Variants in RASGRP3 observed in about 807,000 individuals in gnomAD.
The protein encoded by RASGRP3 is ras guanyl-releasing protein 3.
RASGRP3 carries 54 observed loss-of-function variants against 82.7 expected under a neutral mutation model. The observed-to-expected ratio is 0.65, with a 90% CI of 0.52 to 0.82. The LOEUF (loss-of-function observed/expected upper bound fraction) is 0.82. RASGRP3 is among the 40% of genes least tolerant of loss of function. The probability of loss-of-function intolerance (pLI) is 0.00; values close to 1 mark genes in which losing one functional copy is unlikely to be tolerated. For synonymous variants in RASGRP3, 309 were observed against 300.5 expected (o/e 1.03, Z -0.29); for missense variants, 861 against 828.9 (o/e 1.04, Z -0.48).
At chr2:33,521,917 C>A in intron 6 of RASGRP3, 38 bp from the exon 7 acceptor site, 1 of 1,582,136 alleles carries the variant, frequency 6.3e-7, no homozygotes, top group Admixed American at 1.9e-5. Flanking sequence ...GTGAAATGGG[C>A]TTTCAACACA....
chr2:33,559,098 C>A (rs1319408253), intron 17 of RASGRP3, 68 bp downstream of exon 17: 6 of 1,322,112 alleles, frequency 4.5e-6, no homozygotes, highest in Non-Finnish European at 6.1e-6. Context: ...ATGAGCGTTA[C>A]AGAGGGTCTG....
intron 1 of RASGRP3, among the ~76,000 whole-genome samples, chr2:33,499,705 A>G (rs1156676237): frequency 6.6e-6 from 1 of 152,138 alleles, no homozygotes; most frequent in Non-Finnish European, 1.5e-5. Context: ...TTTGGATCAA[A>G]TCACCTGTGT....
At chr2:33,510,692 G>A (rs1022382593) in intron 1 of RASGRP3, among the ~76,000 whole-genome samples, 2 of 152,116 alleles carry the variant, frequency 1.3e-5, no homozygotes, top group Non-Finnish European at 2.9e-5. Flanking sequence ...CGTTCTGCAG[G>A]CTCCGTGATG....
intron 1 of RASGRP3, among the ~76,000 whole-genome samples, chr2:33,491,027 A>C (rs1292362201): frequency 6.6e-6 from 1 of 152,242 alleles, no homozygotes. Context: ...TTAAAAGATA[A>C]CATTTAGAGC....
upstream of RASGRP3, among the ~76,000 whole-genome samples, chr2:33,475,356 T>C (rs555356733): frequency 2.6e-5 from 4 of 152,204 alleles, no homozygotes; most frequent in Non-Finnish European, 5.9e-5. Flanking sequence ...ATCCTCTATA[T>C]GGAGGGAAAT....
At chr2:33,436,700 C>G (rs1157089688) in intron 1 of RASGRP3, 1 of 152,158 alleles carries the variant, frequency 6.6e-6, no homozygotes, top group Non-Finnish European at 1.5e-5. Flanking sequence ...CCTCATGTAA[C>G]TTTTCAATAT....
At chr2:33,440,351 G>A (rs979804599) in intron 1 of RASGRP3, among the ~76,000 whole-genome samples, 13 of 152,340 alleles carry the variant, frequency 8.5e-5, no homozygotes, top group African/African-American at 2.4e-4. Flanking sequence ...GTTGAGAAAA[G>A]TGAGGTCAGA....
rs1039192555 is a variant in RASGRP3, at chr2:33,520,600, T to G, written c.284T>G (p.Leu95Trp). The G allele has an allele frequency of 6.2e-7, 1 of 1,613,930 alleles. No individual in the cohort carries two copies. Among genetic ancestry groups the G allele is most frequent in the Non-Finnish European group, 8.5e-7 (1 of 1,179,892 alleles). The change falls in exon 6 of 18, where the codon TTG (leucine) becomes TGG (tryptophan). Residue 95 changes from leucine (L) to tryptophan (W), a missense_variant. By Grantham distance (61) the Leu-to-Trp change is moderately conservative. Transcript: ENST00000403687. ...FPAEFNLDLG[L>W]IRMTEEFREV... ...GCAGAGTTTAATTTGGATCTTGGTT[T>G]GATTCGTATGACTGAGGAATTTCGG...
intron 1 of RASGRP3, among the ~76,000 whole-genome samples, chr2:33,505,986 G>C (rs967988442): frequency 2.0e-5 from 3 of 152,204 alleles, no homozygotes; most frequent in African/African-American, 7.2e-5. Context: ...CTGTAAATAT[G>C]TTGGTTTGGT....
chr2:33,496,510 A>G (rs1574340014), intron 1 of RASGRP3, among the ~76,000 whole-genome samples: 1 of 152,360 alleles, frequency 6.6e-6, no homozygotes, highest in South Asian at 2.1e-4. Context: ...CAACAAAGAT[A>G]TGGAGATCTG....
At chr2:33,514,842 A>C (rs1671293600) in intron 2 of RASGRP3, among the ~76,000 whole-genome samples, 168 bp from the exon 3 acceptor site, 1 of 152,170 alleles carries the variant, frequency 6.6e-6, no homozygotes, top group South Asian at 2.1e-4. Flanking sequence ...ACAGCTTAGC[A>C]GGTATTTTGG....
chr2:33,512,915 A>G (rs1447404042), intron 2 of RASGRP3, among the ~76,000 whole-genome samples: 1 of 152,192 alleles, frequency 6.6e-6, no homozygotes, highest in African/African-American at 2.4e-5. Flanking sequence ...AGTAAAATAT[A>G]TAGTTTGTCA....
intron 1 of RASGRP3, among the ~76,000 whole-genome samples, chr2:33,484,280 G>T (rs1263190705): frequency 6.6e-6 from 1 of 152,264 alleles, no homozygotes; most frequent in East Asian, 1.9e-4. Context: ...TATCAGGGAT[G>T]AATCTCTTCA....
intron 1 of RASGRP3, among the ~76,000 whole-genome samples, chr2:33,490,477 T>A (rs1370244239): frequency 6.6e-6 from 1 of 152,252 alleles, no homozygotes; most frequent in East Asian, 1.9e-4. Context: ...TCTCCTCTTA[T>A]TTAACTTTGC....
At chr2:33,495,100 C>G (rs1403141630) in intron 1 of RASGRP3, among the ~76,000 whole-genome samples, 1 of 152,218 alleles carries the variant, frequency 6.6e-6, no homozygotes, top group Non-Finnish European at 1.5e-5. Context: ...CAAAGATCTG[C>G]ACTTTGAAAG....
At chr2:33,552,489 A>G (rs1675469535) in intron 14 of RASGRP3, among the ~76,000 whole-genome samples, 1 of 152,180 alleles carries the variant, frequency 6.6e-6, no homozygotes, top group African/African-American at 2.4e-5. Flanking sequence ...TTTAAAATAT[A>G]TTTAATTTTA....
chr2:33,459,378 C>T (rs552801118), intron 2 of RASGRP3, among the ~76,000 whole-genome samples: 1 of 152,346 alleles, frequency 6.6e-6, no homozygotes, highest in African/African-American at 2.4e-5. Flanking sequence ...TCATGATCCG[C>T]CTGCCTCAGC....
rs374326565 is a variant in RASGRP3, at chr2:33,556,403, G to A, written c.1579+836G>A. Among the ~76,000 whole-genome samples the A allele has an allele frequency of 5.8e-4, 71 of 122,234 alleles. 18 individuals carry two copies. In the East Asian group the frequency reaches 7.8e-3, roughly 13 times the overall value. 80.2% of individuals were successfully genotyped at this position (122,234 alleles called of 152,430 possible). A position where few individuals can be genotyped will look rare whatever the true frequency, so the allele number is the denominator to read the frequency against. On this transcript the variant is annotated intron_variant, in intron 15 of 17. Transcript: ENST00000403687. ...GCTGGGACTACAGGCGCCCGCCACC[G>A]CGCCCGGCTAATTTTTTGTATTTTT...
chr2:33,522,571 A>T lies in RASGRP3; in HGVS notation c.516+469A>T, dbSNP rs143656656. ...GGTTGTTTCTTTCCCAGAGATAGAG[A>T]TCCTGAATTAAACTTTTCTTTCCTA... On this transcript the variant is annotated intron_variant, in intron 7 of 17. Transcript: ENST00000403687. 1.8e-3 allele frequency among the ~76,000 whole-genome samples: 275 copies of T among 152,284 alleles called. 1 individual carries two copies. The highest frequency in any genetic ancestry group is 5.0e-3 in the African/African-American group (208 of 41,556).
Sources: gnomAD v4.1 joint callset for allele counts (sites outside exome capture counted in the v4.1 genomes callset) on GRCh38, gnomAD v4.1.1 for gene constraint, MANE v1.5 for transcripts, NCBI Gene and HGNC (gene_info 2026-07-23, HGNC 2026-07-21) for gene names.